The following ARHGEF10L variants were observed in gnomAD, a reference collection of about 807,000 sequenced individuals.
The protein encoded by ARHGEF10L is Rho guanine nucleotide exchange factor 10 like.
ARHGEF10L carries 69 observed loss-of-function variants against 141.2 expected under a neutral mutation model. That is an observed-to-expected ratio of 0.49 (90% confidence interval 0.40 to 0.60). The LOEUF (loss-of-function observed/expected upper bound fraction) is 0.60, where lower values mean the gene tolerates loss of function less well. Ranked by LOEUF, ARHGEF10L falls within the 20% of genes least tolerant of loss-of-function variation. ARHGEF10L has a pLI of 0.00. For synonymous variants in ARHGEF10L, 711 were observed against 718.5 expected (o/e 0.99, Z 0.17); for missense variants, 1,482 against 1,734.3 (o/e 0.85, Z 2.58).
chr1:17,561,303 C>T (rs11588146), intron 1 of ARHGEF10L, among the ~76,000 whole-genome samples: 156 of 152,316 alleles, frequency 1.0e-3, no homozygotes, highest in African/African-American at 3.5e-3. Flanking sequence ...AGCCCGGGAG[C>T]AGTCTCTCAC....
At chr1:17,622,320 C>A (rs2060148530) in intron 11 of ARHGEF10L, among the ~76,000 whole-genome samples, 3 of 152,136 alleles carry the variant, frequency 2.0e-5, no homozygotes, top group Non-Finnish European at 2.9e-5. Context: ...ATGGAGTCCT[C>A]CTTCTTGCAT....
At chr1:17,624,650 C>A in intron 13 of ARHGEF10L, 147 bp downstream of exon 13, 1 of 686,478 alleles carries the variant, frequency 1.5e-6, no homozygotes, top group Non-Finnish European at 2.6e-6. Context: ...AGCCCAGTCC[C>A]ATGGGAAGAA....
chr1:17,651,675 G>A (rs2061945942), intron 22 of ARHGEF10L, among the ~76,000 whole-genome samples: 1 of 152,154 alleles, frequency 6.6e-6, no homozygotes, highest in South Asian at 2.1e-4. Flanking sequence ...TCCTCAGTGC[G>A]AGCTCTCAGG....
intron 21 of ARHGEF10L, among the ~76,000 whole-genome samples, chr1:17,645,701 A>T (rs1466785195): frequency 6.6e-6 from 1 of 152,148 alleles, no homozygotes; most frequent in Non-Finnish European, 1.5e-5. Flanking sequence ...AGGCTAGGAG[A>T]GCCGTGCTGC....
chr1:17,661,689 A>G (rs2062633917), intron 25 of ARHGEF10L, among the ~76,000 whole-genome samples: 2 of 152,134 alleles, frequency 1.3e-5, no homozygotes, highest in Admixed American at 1.3e-4. Flanking sequence ...CCCAGCCCCC[A>G]TCTCAGCCAT....
intron 1 of ARHGEF10L, among the ~76,000 whole-genome samples, chr1:17,552,287 T>G (rs2243576): frequency 0.053 from 8,035 of 152,260 alleles, 253 homozygotes; most frequent in Middle Eastern, 0.065. Flanking sequence ...GCAGTCTTGG[T>G]TCCCTCGCCT....
At chr1:17,535,742 G>A (rs2076566620), upstream of ARHGEF10L, among the ~76,000 whole-genome samples, 1 of 152,204 alleles carries the variant, frequency 6.6e-6, no homozygotes, top group South Asian at 2.1e-4. Context: ...TTAATTGAAT[G>A]TTCTGGGACA....
chr1:17,523,776 C>A, the ARHGEF10L span, among the ~76,000 whole-genome samples: 9 of 152,268 alleles, frequency 5.9e-5, no homozygotes, highest in South Asian at 4.2e-4. Flanking sequence ...ATTAAACAAG[C>A]CACTCAATCT....
intron 1 of ARHGEF10L, among the ~76,000 whole-genome samples, chr1:17,566,132 C>G (rs749812690): frequency 6.6e-6 from 1 of 152,160 alleles, no homozygotes; most frequent in Non-Finnish European, 1.5e-5. Context: ...GCTATAGATC[C>G]CCAGAGGACT....
intron 13 of ARHGEF10L, 101 bp downstream of exon 13, chr1:17,624,604 C>A: frequency 1.1e-6 from 1 of 935,658 alleles, no homozygotes; most frequent in Non-Finnish European, 1.7e-6. Flanking sequence ...GACATCATAG[C>A]TTTGGCCTGG....
rs1166358713 is a variant in ARHGEF10L at position 17,687,617 on chromosome 1, C to T, written c.3054C>T (p.His1018=). 6.2e-7 allele frequency: 1 copy of T among 1,613,022 alleles called. No homozygotes were observed. The highest frequency in any genetic ancestry group is 8.5e-7 in the Non-Finnish European group (1 of 1,179,922). The change falls in exon 27 of 29, where the codon CAC becomes CAT. Residue 1018 remains histidine (H), a synonymous_variant. Coordinates refer to ENST00000361221, the MANE Select transcript of ARHGEF10L (RefSeq NM_018125.4). The part of the protein sequence containing the change: ...AHQDEAVSVT[H]MVKAGSGVWM... ...AGGACGAGGCAGTGAGCGTGACACA[C>T]ATGGTGAAGGCGGGCAGCGGCGTCT... is the stretch of plus-strand genomic sequence containing the variant.
chr1:17,697,742 G>T lies in ARHGEF10L; in HGVS notation c.*362G>T. 2.0e-6 allele frequency: 1 copy of T among 490,024 alleles called. No individual in the cohort carries two copies. Among genetic ancestry groups the T allele is most frequent in the Non-Finnish European group, 4.0e-6 (1 of 251,126 alleles). 30.4% of individuals were successfully genotyped at this position (490,024 alleles called of 1,614,324 possible). On this transcript the variant is annotated 3_prime_UTR_variant, in exon 29 of 29. Coordinates refer to ENST00000361221, the MANE Select transcript of ARHGEF10L (RefSeq NM_018125.4). This position sits in a 1 kb window ranked among gnomAD's most constrained non-coding sequence, Gnocchi z 4.8. ...GGTGTGTGCGTGTGAGTGTGTGCGA[G>T]TGTGTGGGCTGGTGTGTGAATATCT...
chr1:17,557,801 G>A (rs2077394710), intron 1 of ARHGEF10L, among the ~76,000 whole-genome samples: 1 of 152,216 alleles, frequency 6.6e-6, no homozygotes, highest in African/African-American at 2.4e-5. Flanking sequence ...CTTGGTAAAG[G>A]AGACAGACGG....
At chr1:17,554,016 G>C (rs1330684290) in intron 1 of ARHGEF10L, among the ~76,000 whole-genome samples, 1 of 152,148 alleles carries the variant, frequency 6.6e-6, no homozygotes, top group African/African-American at 2.4e-5. Context: ...ATGAAAGCTG[G>C]ACTTCAAAGA....
intron 4 of ARHGEF10L, among the ~76,000 whole-genome samples, chr1:17,593,998 T>C (rs1471083601): frequency 1.3e-5 from 2 of 150,126 alleles, no homozygotes; most frequent in African/African-American, 4.9e-5. Context: ...GACTGGCCGG[T>C]ATTCCCCTGC....
At chr1:17,571,694 C>T (rs1484390253) in intron 1 of ARHGEF10L, among the ~76,000 whole-genome samples, 8 of 152,050 alleles carry the variant, frequency 5.3e-5, no homozygotes, top group African/African-American at 1.7e-4. Context: ...TCACCACTCC[C>T]GGCTAATTTT....
chr1:17,634,476 G>A (rs535837029), intron 16 of ARHGEF10L, 72 bp from the exon 17 acceptor site: 22 of 1,612,598 alleles, frequency 1.4e-5, no homozygotes, highest in South Asian at 4.4e-5. Context: ...GGCCCCCAGC[G>A]GGGTCACAGC....
rs1219138012 is a variant in ARHGEF10L, at chr1:17,654,653, C to T, written c.2412C>T (p.His804=). Residue 804 remains histidine (H), a synonymous_variant, in exon 23 of 29, where the codon CAC becomes CAT. Transcript: ENST00000361221. This position sits in a 1 kb window ranked among gnomAD's most constrained non-coding sequence, Gnocchi z 4.3. The part of the protein sequence containing the change: ...ALSLQLGALV[H]SPVNCPLLGF... ...CTCTGCAGCTTGGGGCCCTGGTCCACAGTCCTGTCAACTGTCCCCTGCTGG... is the reference window on the plus strand; with the variant it reads ...CTCTGCAGCTTGGGGCCCTGGTCCATAGTCCTGTCAACTGTCCCCTGCTGG... 2.5e-6 allele frequency: 4 copies of T among 1,614,092 alleles called. No individual in the cohort carries two copies. The highest frequency in any genetic ancestry group is 1.3e-5 in the African/African-American group (1 of 74,938).
Position 17,696,886 on chromosome 1 carries a change from G to C in ARHGEF10L, c.3346G>C (p.Val1116Leu). ...CTCACTCAACGGGCACTGTGGGCCT[G>C]TGGCCTTCCTGGCTGTGGCTACCAG... is the stretch of plus-strand genomic sequence containing the variant. ...MVSLNGHCGP[V>L]AFLAVATSIL... Residue 1116 changes from valine (V) to leucine (L), a missense_variant, in exon 29 of 29, where the codon GTG becomes CTG. Coordinates refer to ENST00000361221, the MANE Select transcript of ARHGEF10L (RefSeq NM_018125.4). 1 of 1,597,784 alleles carries C rather than the reference G, an allele frequency of 6.3e-7. No individual in the cohort carries two copies. The highest frequency in any genetic ancestry group is 1.3e-5 in the African/African-American group (1 of 74,660).
Sources: allele counts gnomAD v4.1 joint callset (sites outside exome capture counted in the v4.1 genomes callset), GRCh38; gene constraint gnomAD v4.1.1; non-coding constraint Gnocchi (gnomAD v3.1); transcripts MANE v1.5; gene names NCBI Gene and HGNC (gene_info 2026-07-23, HGNC 2026-07-21).